USP14: variants seen among roughly 807,000 people sequenced by gnomAD.
USP14 encodes the protein ubiquitin specific peptidase 14, also known as ubiquitin carboxyl-terminal hydrolase 14.
Under a neutral mutation model 76.5 loss-of-function variants are expected in USP14, and 38 were observed. The observed-to-expected ratio is 0.50, with a 90% CI of 0.38 to 0.65. USP14 has a LOEUF of 0.65. Ranked by LOEUF, USP14 falls within the 30% of genes least tolerant of loss-of-function variation. The pLI is 0.00. For synonymous variants in USP14, 192 were observed against 191.7 expected, an observed-to-expected ratio of 1.00 and a Z score of -0.01; for missense variants, 467 against 586.5, an observed-to-expected ratio of 0.80 and a Z score of 2.10.
chr18:165,739 T>TA (rs1211079636), intron 2 of USP14, among the ~76,000 whole-genome samples: 1 of 152,186 alleles, frequency 6.6e-6, no homozygotes, highest in African/African-American at 2.4e-5. Flanking sequence ...TGACCTTGGG[T>TA]AAGTGATCTT....
At chr18:185,350 G>T (rs1482939745) in intron 5 of USP14, among the ~76,000 whole-genome samples, 1 of 151,964 alleles carries the variant, frequency 6.6e-6, no homozygotes, top group African/African-American at 2.4e-5. Context: ...GTAGAGACGG[G>T]TTTTGCTATA....
In USP14 at chr18:210,008, A is replaced by G. The variant is rs1410353398; in HGVS notation, c.1202A>G (p.Tyr401Cys). ...KKSSPQKEVKYEPFSFADDIG... is the reference protein window; with the variant it reads ...KKSSPQKEVKCEPFSFADDIG... Reference sequence around the variant, plus strand: ...AGTAGTCCCCAGAAAGAAGTTAAGTATGAACCCTTTTCTTTTGCTGATGGT... The same window carrying G: ...AGTAGTCCCCAGAAAGAAGTTAAGTGTGAACCCTTTTCTTTTGCTGATGGT... Residue 401 changes from tyrosine (Y) to cysteine (C), a missense_variant, in exon 14 of 16, where the codon TAT (tyrosine) becomes TGT (cysteine). Tyr to Cys is a radical substitution (Grantham distance 194, BLOSUM62 -2). Transcript: ENST00000261601. The G allele has an allele frequency of 1.2e-6, 2 of 1,607,290 alleles. No individual in the cohort carries two copies. Among genetic ancestry groups the G allele is most frequent in the African/African-American group, 1.3e-5 (1 of 74,584 alleles).
At chr18:161,409 T>C (rs748945175) in intron 1 of USP14, among the ~76,000 whole-genome samples, 1 of 152,238 alleles carries the variant, frequency 6.6e-6, no homozygotes, top group Non-Finnish European at 1.5e-5. Flanking sequence ...TGTCCTCTCC[T>C]AGTCTCTGAC....
rs559282761 is a variant in USP14, at chr18:201,800, G to A, written c.877-1080G>A. On this transcript the variant is annotated intron_variant, in intron 10 of 15. Coordinates refer to ENST00000261601, the MANE Select transcript of USP14 (RefSeq NM_005151.4). ...ATACCCAGAAGGTCTAGATGATAGT[G>A]GATTGGTGGTAATAATAAGATTTCA... Among the ~76,000 whole-genome samples the A allele has an allele frequency of 3.9e-5, 6 of 152,152 alleles. No homozygotes were observed. The South Asian group carries it at 8.3e-4, about 21-fold the overall frequency.
intron 12 of USP14, among the ~76,000 whole-genome samples, chr18:203,823 C>A (rs1379658996): frequency 6.6e-6 from 1 of 152,050 alleles, no homozygotes; most frequent in Non-Finnish European, 1.5e-5. Context: ...TGGTCTCAAT[C>A]TCCTGACCTC....
At chr18:184,231 A>C (rs1369580478) in intron 5 of USP14, among the ~76,000 whole-genome samples, 1 of 152,216 alleles carries the variant, frequency 6.6e-6, no homozygotes, top group African/African-American at 2.4e-5. Flanking sequence ...ATGCCAAACA[A>C]AAGAAGTAGT....
intron 3 of USP14, among the ~76,000 whole-genome samples, chr18:167,101 T>C (rs1280110562): frequency 6.6e-6 from 1 of 151,736 alleles, no homozygotes; most frequent in African/African-American, 2.4e-5. Context: ...AAAAAAAAAT[T>C]AGCTGGGTGT....
At position 212,774 on chromosome 18, in the gene USP14, A is replaced by T. The variant is rs1016657201; in HGVS notation, c.*1490A>T. 1 of 152,220 alleles carries T rather than the reference A, an allele frequency of 6.6e-6. No individual in the cohort carries two copies. Among genetic ancestry groups the T allele is most frequent in the Non-Finnish European group, 1.5e-5 (1 of 68,044 alleles). The allele number at this position is 152,220 out of a possible 1,614,324, so 9.4% of individuals were successfully genotyped here. A position where few individuals can be genotyped will look rare whatever the true frequency, so the allele number is the denominator to read the frequency against. ...ACCCTTGACTGATGCTAGGGAAAGG[A>T]TAAAGCATAGAATACCAGCCAGTTT... On this transcript the variant is annotated 3_prime_UTR_variant, in exon 16 of 16. Transcript: ENST00000261601.
At chr18:166,730 G>A in intron 2 of USP14, 57 bp from the exon 3 acceptor site, 2 of 1,498,554 alleles carry the variant, frequency 1.3e-6, no homozygotes, top group South Asian at 1.2e-5. Flanking sequence ...TTGATTATTA[G>A]ATTGTGTTCA....
chr18:190,436 ATG>A (rs1413669139), intron 5 of USP14, among the ~76,000 whole-genome samples: 1 of 152,182 alleles, frequency 6.6e-6, no homozygotes, highest in Non-Finnish European at 1.5e-5. Context: ...TTAGCATTAT[ATG>A]TGCTTTCCAT....
rs1598276820 is a variant in USP14, at chr18:197,550, T to C, written c.595-66T>C. On this transcript the variant is annotated intron_variant, in intron 7 of 15. Coordinates refer to ENST00000261601, the MANE Select transcript of USP14 (RefSeq NM_005151.4). ...TTTCTTGCCTAGGAGACAGTGATTA[T>C]TTTGGAAGAACTTTGTAGATCATTC... 4 of 1,316,188 alleles carry C rather than the reference T, an allele frequency of 3.0e-6. No homozygotes were observed. The South Asian group carries it at 5.0e-5, about 17-fold the overall frequency. The allele number at this position is 1,316,188 out of a possible 1,614,324, so 81.5% of individuals were successfully genotyped here. A position where few individuals can be genotyped will look rare whatever the true frequency, so the allele number is the denominator to read the frequency against.
chr18:202,993 T>C (rs370733178), intron 11 of USP14, 48 bp downstream of exon 11: 22 of 1,608,518 alleles, frequency 1.4e-5, no homozygotes, highest in South Asian at 3.3e-5. Flanking sequence ...CACTGAAATA[T>C]TTCCAGTTAA....
chr18:186,757 A>G (rs1271526991), intron 5 of USP14, among the ~76,000 whole-genome samples: 1 of 152,160 alleles, frequency 6.6e-6, no homozygotes, highest in Non-Finnish European at 1.5e-5. Flanking sequence ...GTCTCAAAAA[A>G]AAAAGAGAAA....
intron 3 of USP14, among the ~76,000 whole-genome samples, chr18:168,341 G>T (rs1249638512): frequency 6.6e-6 from 1 of 152,146 alleles, no homozygotes; most frequent in Admixed American, 6.5e-5. Context: ...GTACATAAAC[G>T]TGTTATCTGC....
chr18:185,531 T>G (rs1047333747), intron 5 of USP14, among the ~76,000 whole-genome samples: 3 of 152,096 alleles, frequency 2.0e-5, no homozygotes. Context: ...ATGCAAGAAC[T>G]GAGACACTCG....
At chr18:181,240 A>G (rs1324618930) in intron 5 of USP14, among the ~76,000 whole-genome samples, 1 of 152,068 alleles carries the variant, frequency 6.6e-6, no homozygotes, top group African/African-American at 2.4e-5. Context: ...ACGTTTTCAT[A>G]TAGTAACTCT....
chr18:201,191 G>A (rs1343100004), intron 10 of USP14, among the ~76,000 whole-genome samples: 1 of 152,232 alleles, frequency 6.6e-6, no homozygotes, highest in Non-Finnish European at 1.5e-5. Context: ...GCAACATCTA[G>A]ATATTTGAAG....
rs530576981 is a variant in USP14, at chr18:180,450, A to G, written c.404+111A>G. On this transcript the variant is annotated intron_variant, in intron 5 of 15. Transcript: ENST00000261601. ...TGAGATATAATTAATTTATTATACAATTCAGCATTTTAAAGTGTTTAATGC... is the reference window on the plus strand; with the variant it reads ...TGAGATATAATTAATTTATTATACAGTTCAGCATTTTAAAGTGTTTAATGC... The G allele has an allele frequency of 7.3e-6, 5 of 681,750 alleles. No homozygotes were observed. The East Asian group carries it at 9.3e-5, about 13-fold the overall frequency. The allele number at this position is 681,750 out of a possible 1,614,324, so 42.2% of individuals were successfully genotyped here. A position where few individuals can be genotyped will look rare whatever the true frequency, so the allele number is the denominator to read the frequency against.
chr18:194,563 G>A (rs1251675977), intron 6 of USP14, among the ~76,000 whole-genome samples: 6 of 152,022 alleles, frequency 3.9e-5, no homozygotes, highest in South Asian at 2.1e-4. Context: ...AGAATAAGGC[G>A]CCAGACATCC....
Sources: allele counts gnomAD v4.1 joint callset (sites outside exome capture counted in the v4.1 genomes callset), GRCh38; gene constraint gnomAD v4.1.1; transcripts MANE v1.5; gene names NCBI Gene and HGNC (gene_info 2026-07-23, HGNC 2026-07-21).